The following KLC1 variants were observed in gnomAD, a reference collection of about 807,000 sequenced individuals.
KLC1 encodes kinesin 2 60/70kDa.
In KLC1, 30 loss-of-function variants were observed where a neutral mutation model predicts 84.2. That is an observed-to-expected ratio of 0.36 (90% CI 0.27 to 0.48). The LOEUF is 0.48. KLC1 is among the 20% of genes least tolerant of loss of function. KLC1 has a pLI of 0.99. For missense variants in KLC1, 499 were observed against 805.4 expected (o/e 0.62, Z 4.60); for synonymous variants, 289 against 293.3 (o/e 0.99, Z 0.15).
intron 12 of KLC1, among the ~76,000 whole-genome samples, chr14:103,678,291 G>T (rs532013559): frequency 6.6e-6 from 1 of 151,718 alleles, no homozygotes; most frequent in African/African-American, 2.4e-5. Context: ...AAATAAAATA[G>T]CATGAATATG....
At position 103,652,874 on chromosome 14, in the gene KLC1, A is replaced by G. The variant is rs553747290; in HGVS notation, c.-1-1690A>G. On this transcript the variant is annotated intron_variant, in intron 1 of 16. Transcript: ENST00000334553. Reference sequence around the variant, plus strand: ...TGAATAGTCTTACAGACAACTTCCAAATTTTAAAAGGAATTCAGTCTTCAT... The same window carrying G: ...TGAATAGTCTTACAGACAACTTCCAGATTTTAAAAGGAATTCAGTCTTCAT... Among the ~76,000 whole-genome samples, 6 of 152,314 alleles carry G rather than the reference A, an allele frequency of 3.9e-5. No homozygotes were observed. In the East Asian group the frequency reaches 1.2e-3, roughly 29 times the overall value.
At chr14:103,691,127 C>G (rs887650654) in intron 14 of KLC1, among the ~76,000 whole-genome samples, 6 of 151,578 alleles carry the variant, frequency 4.0e-5, no homozygotes, top group Non-Finnish European at 7.4e-5. Context: ...GAAGGCAGAG[C>G]CTCTCTGCTC....
intron 5 of KLC1, among the ~76,000 whole-genome samples, chr14:103,663,536 G>T (rs1354539535): frequency 3.3e-5 from 5 of 152,198 alleles, no homozygotes; most frequent in Non-Finnish European, 7.3e-5. Context: ...TGTGCAGGCG[G>T]CTTCTTTTGT....
chr14:103,683,913 C>T (rs2081571011), intron 13 of KLC1: 1 of 152,228 alleles, frequency 6.6e-6, no homozygotes, highest in Admixed American at 6.5e-5. Context: ...CGAGGTGGCT[C>T]ATGCCTGTAA....
intron 1 of KLC1, among the ~76,000 whole-genome samples, chr14:103,649,047 G>A (rs563812975): frequency 4.6e-5 from 7 of 152,254 alleles, no homozygotes; most frequent in Admixed American, 6.5e-5. Flanking sequence ...TGATGTGGGA[G>A]GATCGCTTGA....
intron 5 of KLC1, 152 bp from the exon 6 acceptor site, chr14:103,669,359 G>A (rs1325617584): frequency 1.5e-5 from 7 of 468,830 alleles, no homozygotes; most frequent in Admixed American, 7.3e-5. Context: ...GCTTGAACCC[G>A]TGAGGCGGAG....
At chr14:103,631,561 C>T (rs1273095335) in intron 1 of KLC1, among the ~76,000 whole-genome samples, 3 of 152,092 alleles carry the variant, frequency 2.0e-5, no homozygotes, top group Non-Finnish European at 4.4e-5. Context: ...CACCTGAAAA[C>T]ATTCTTTGTA....
rs1011544753 is a variant in KLC1 at position 103,662,178 on chromosome 14, C to T, written c.555C>T (p.Asp185=). 17 of 1,613,040 alleles carry T rather than the reference C, an allele frequency of 1.1e-5. No homozygotes were observed. The highest frequency in any genetic ancestry group is 5.0e-5 in the Admixed American group (3 of 59,990). The change falls in exon 4 of 17, where the codon GAC becomes GAT. Residue 185 remains aspartate, a synonymous_variant. Coordinates refer to ENST00000334553, the MANE Select transcript of KLC1 (RefSeq NM_001394837.1). ...ATGACCTTTTCCCCAATGATGAAGA[C>T]GACCCAGGGCAAGGAAGTGAGTGAT... ...PLDDLFPNDE[D]DPGQGIQQQH...
intron 13 of KLC1, chr14:103,685,119 G>A (rs1222636399): frequency 1.9e-5 from 28 of 1,497,394 alleles, no homozygotes; most frequent in Non-Finnish European, 2.4e-5. Context: ...CAGGACCCAG[G>A]ACGCATTGCT....
At chr14:103,647,986 C>G (rs1262914357) in intron 1 of KLC1, among the ~76,000 whole-genome samples, 1 of 150,866 alleles carries the variant, frequency 6.6e-6, no homozygotes, top group African/African-American at 2.4e-5. Context: ...GAGTCTCGCT[C>G]TTTTGGCAGG....
chr14:103,673,481 A>G, intron 9 of KLC1, 50 bp downstream of exon 9: 1 of 1,165,262 alleles, frequency 8.6e-7, no homozygotes, highest in Non-Finnish European at 1.2e-6. Context: ...TAATGACTTG[A>G]CTAATAGTAA....
intron 15 of KLC1, chr14:103,695,216 C>G: frequency 1.3e-6 from 1 of 788,682 alleles, no homozygotes. Flanking sequence ...ATAATCTTAG[C>G]ACTTTGGGAG....
intron 5 of KLC1, among the ~76,000 whole-genome samples, chr14:103,666,744 G>T (rs1044501439): frequency 1.2e-4 from 17 of 146,524 alleles, no homozygotes; most frequent in African/African-American, 4.0e-4. Context: ...GATTACAGGC[G>T]TGAGCCACCG....
chr14:103,636,718 ATATT>A (rs1323509359), intron 1 of KLC1, among the ~76,000 whole-genome samples: 2 of 151,374 alleles, frequency 1.3e-5, no homozygotes, highest in African/African-American at 2.4e-5. Context: ...AGTTCCTTAC[ATATT>A]TATTTATTTA....
intron 1 of KLC1, among the ~76,000 whole-genome samples, chr14:103,648,148 A>C (rs926142414): frequency 4.6e-5 from 7 of 152,076 alleles, no homozygotes; most frequent in Admixed American, 3.9e-4. Context: ...ACGGGGTTTC[A>C]CCATGTTGGC....
chr14:103,669,442 G>C, intron 5 of KLC1, 69 bp from the exon 6 acceptor site: 2 of 923,520 alleles, frequency 2.2e-6, no homozygotes, highest in Non-Finnish European at 3.4e-6. Context: ...TAAAAAAAAA[G>C]AAAAGAAAAG....
chr14:103,691,367 C>G (rs1191972574), intron 14 of KLC1, among the ~76,000 whole-genome samples: 1 of 151,264 alleles, frequency 6.6e-6, no homozygotes, highest in Non-Finnish European at 1.5e-5. Context: ...ACCACGTTGC[C>G]CAGGCTGGTT....
At position 103,699,153 on chromosome 14, in the gene KLC1, G is replaced by A. The variant is rs765302014; in HGVS notation, c.1849-1502G>A. The A allele has an allele frequency of 1.4e-5, 22 of 1,571,042 alleles. No individual in the cohort carries two copies. Among genetic ancestry groups the A allele is most frequent in the Middle Eastern group, 3.3e-4 (2 of 6,022 alleles). On this transcript the variant is annotated intron_variant, in intron 15 of 16. Transcript: ENST00000334553. ...CTCACCCCAGCGGCCCGTGTGCTGC[G>A]CCCTGCTCCTCCATGGCCTCTGTCA...
At chr14:103,632,231 G>T (rs956931837) in intron 1 of KLC1, among the ~76,000 whole-genome samples, 1 of 151,988 alleles carries the variant, frequency 6.6e-6, no homozygotes, top group African/African-American at 2.4e-5. Flanking sequence ...TTTAAGACCA[G>T]CCTGGCCAAC....
Sources: allele counts gnomAD v4.1 joint callset (sites outside exome capture counted in the v4.1 genomes callset), GRCh38; gene constraint gnomAD v4.1.1; transcripts MANE v1.5; gene names NCBI Gene and HGNC (gene_info 2026-07-23, HGNC 2026-07-21).